The following PDGFRL variants were observed in gnomAD, a reference collection of about 807,000 sequenced individuals.
PDGFRL encodes the protein platelet derived growth factor receptor like.
A neutral mutation model predicts 37.2 loss-of-function variants in PDGFRL; 46 were observed. That is an observed-to-expected ratio of 1.24 (90% CI 0.98 to 1.58). The LOEUF (loss-of-function observed/expected upper bound fraction) is 1.58, where lower values mean the gene tolerates loss of function less well. PDGFRL is among the 40% of genes most tolerant of loss of function. The probability of loss-of-function intolerance (pLI) is 0.00; values close to 1 mark genes in which losing one functional copy is unlikely to be tolerated. For missense variants in PDGFRL, 692 were observed against 467.6 expected (o/e 1.48, Z -4.43); for synonymous variants, 251 against 184.3 (o/e 1.36, Z -2.93).
chr8:17,617,859 G>A (rs991578405), intron 2 of PDGFRL, among the ~76,000 whole-genome samples: 5 of 152,076 alleles, frequency 3.3e-5, no homozygotes, highest in African/African-American at 1.2e-4. Flanking sequence ...CAAATGCTCG[G>A]CCCAGAGAAG....
At chr8:17,628,856 G>A in intron 4 of PDGFRL, 76 bp downstream of exon 4, 1 of 958,800 alleles carries the variant, frequency 1.0e-6, no homozygotes. Flanking sequence ...CCTGCCTGCA[G>A]ATGGAATAAG....
At position 17,608,020 on chromosome 8, in the gene PDGFRL, G is replaced by C. The variant is rs2517195; in HGVS notation, c.354-13031G>C. ...TGGGCAGCTGCTAAGTTGCTGCCCT[G>C]GGGAGTCCGCCCAGAACCTTCTCTT... On this transcript the variant is annotated intron_variant, in intron 2 of 5. Coordinates refer to ENST00000251630, the MANE Select transcript of PDGFRL (RefSeq NM_001372073.1). Among the ~76,000 whole-genome samples, 248 of 152,300 alleles carry C rather than the reference G, an allele frequency of 1.6e-3. 1 individual carries two copies. The highest frequency in any genetic ancestry group is 5.7e-3 in the African/African-American group (235 of 41,570).
intron 1 of PDGFRL, among the ~76,000 whole-genome samples, chr8:17,578,181 T>G (rs561394880): frequency 1.3e-5 from 2 of 152,270 alleles, no homozygotes; most frequent in South Asian, 4.1e-4. Flanking sequence ...TGCCTCCTGG[T>G]GTCCTCAACC....
intron 2 of PDGFRL, among the ~76,000 whole-genome samples, chr8:17,599,650 T>A (rs1399509459): frequency 1.3e-5 from 2 of 152,198 alleles, no homozygotes; most frequent in African/African-American, 2.4e-5. Flanking sequence ...CCACCTCACG[T>A]TTGCTTGGCA....
intron 5 of PDGFRL, among the ~76,000 whole-genome samples, chr8:17,637,440 T>A (rs766531728): frequency 6.6e-6 from 1 of 152,154 alleles, no homozygotes; most frequent in African/African-American, 2.4e-5. Context: ...TGGTGGACTA[T>A]CTATTTGATA....
At chr8:17,603,903 A>G (rs1484187119) in intron 2 of PDGFRL, among the ~76,000 whole-genome samples, 1 of 152,142 alleles carries the variant, frequency 6.6e-6, no homozygotes, top group Admixed American at 6.5e-5. Flanking sequence ...AAATTCCAGA[A>G]AGAGAGAAGT....
chr8:17,596,387 C>G, intron 2 of PDGFRL: 1 of 1,074,528 alleles, frequency 9.3e-7, no homozygotes, highest in African/African-American at 1.6e-5. Flanking sequence ...TCCAATACCA[C>G]GTACATTTTA....
At chr8:17,620,400 G>C (rs2129761927) in intron 2 of PDGFRL, among the ~76,000 whole-genome samples, 1 of 152,214 alleles carries the variant, frequency 6.6e-6, no homozygotes, top group South Asian at 2.1e-4. Flanking sequence ...TTTTAGGGTG[G>C]TTTTAGGTTG....
chr8:17,606,549 T>C (rs1371457472), intron 2 of PDGFRL, among the ~76,000 whole-genome samples: 1 of 152,178 alleles, frequency 6.6e-6, no homozygotes, highest in African/African-American at 2.4e-5. Context: ...TAGAGCGTTC[T>C]CTTTCCAGAC....
chr8:17,639,439 C>T (rs1805046768), intron 5 of PDGFRL, among the ~76,000 whole-genome samples: 1 of 152,048 alleles, frequency 6.6e-6, no homozygotes, highest in Non-Finnish European at 1.5e-5. Context: ...ATATTTAGTG[C>T]TCCTTTTAGC....
At chr8:17,627,985 CTTTCTTTT>C (rs1365801977) in intron 3 of PDGFRL, among the ~76,000 whole-genome samples, 9 of 124,048 alleles carry the variant, frequency 7.3e-5, no homozygotes, top group Admixed American at 2.5e-4. Flanking sequence ...TGTTTTCTTT[CTTTCTTTT>C]TTTTTTTTTT....
chr8:17,627,436 C>T (rs1192873499), intron 3 of PDGFRL, among the ~76,000 whole-genome samples: 1 of 151,208 alleles, frequency 6.6e-6, no homozygotes, highest in East Asian at 2.0e-4. Flanking sequence ...TGAGCTTTAA[C>T]ACATTTTTTT....
intron 2 of PDGFRL, among the ~76,000 whole-genome samples, chr8:17,608,997 TCAC>T (rs1804346551): frequency 2.0e-5 from 3 of 152,076 alleles, no homozygotes; most frequent in African/African-American, 7.2e-5. Context: ...GGCAGGAGGA[TCAC>T]TTGAGCCCGG....
chr8:17,590,938 A>C (rs1458693949), intron 2 of PDGFRL, among the ~76,000 whole-genome samples: 1 of 146,724 alleles, frequency 6.8e-6, no homozygotes, highest in African/African-American at 2.5e-5. Context: ...GTTGGAGTGC[A>C]GTGGTGCCAT....
intron 2 of PDGFRL, among the ~76,000 whole-genome samples, chr8:17,620,071 T>A (rs995353995): frequency 3.9e-5 from 6 of 152,180 alleles, no homozygotes; most frequent in African/African-American, 1.4e-4. Context: ...CAAGCCATCT[T>A]CCTGCCTTAG....
intron 2 of PDGFRL, among the ~76,000 whole-genome samples, chr8:17,607,409 A>C (rs1388365988): frequency 6.6e-6 from 1 of 152,238 alleles, no homozygotes; most frequent in Non-Finnish European, 1.5e-5. Flanking sequence ...TGTATTTAAA[A>C]AAACAACAAA....
rs918578327 is a variant in PDGFRL at position 17,617,341 on chromosome 8, C to T, written c.354-3710C>T. Among the ~76,000 whole-genome samples the T allele has an allele frequency of 3.3e-5, 5 of 152,232 alleles. No homozygotes were observed. The South Asian group carries it at 1.0e-3, about 32-fold the overall frequency. On this transcript the variant is annotated intron_variant, in intron 2 of 5. Transcript: ENST00000251630. ...TTTTTCCTGGCATTTGGTCATGACA[C>T]CTTCTTTTTGCTCCACTTAAACTCC... is the stretch of plus-strand genomic sequence containing the variant.
rs137853148 is a variant in PDGFRL, at chr8:17,589,479, C to T, written c.67C>T (p.His23Tyr). The stretch of plus-strand genomic sequence containing the variant: ...CTTACGTTTTGCAGTTACTGGCCAA[C>T]ACCTTCCCAAGAACAAGCGTCCAAA... ...HEALEDVTGQ[H>Y]LPKNKRPKEP... The change falls in exon 2 of 6, where the codon CAC (histidine) becomes TAC (tyrosine). Residue 23 changes from histidine (H) to tyrosine (Y), a missense_variant. His to Tyr is a moderately conservative substitution (Grantham distance 83). Coordinates refer to ENST00000251630, the MANE Select transcript of PDGFRL (RefSeq NM_001372073.1). 4.3e-6 allele frequency: 7 copies of T among 1,612,600 alleles called. No individual in the cohort carries two copies. The East Asian group carries it at 1.3e-4, about 31-fold the overall frequency.
Position 17,599,636 on chromosome 8 carries a change from G to A in PDGFRL, c.353+9871G>A, listed in dbSNP as rs187392656. ...CACGTGGCCGTGGCTGCCAGTAGATGTGGCCACCTCACGTTTGCTTGGCAA... is the reference window on the plus strand; with the variant it reads ...CACGTGGCCGTGGCTGCCAGTAGATATGGCCACCTCACGTTTGCTTGGCAA... On this transcript the variant is annotated intron_variant, in intron 2 of 5. Transcript: ENST00000251630. Among the ~76,000 whole-genome samples the A allele has an allele frequency of 2.4e-4, 36 of 152,308 alleles. No individual in the cohort carries two copies. In the East Asian group the frequency reaches 6.2e-3, roughly 26 times the overall value.
Sources: gnomAD v4.1 joint callset for allele counts (sites outside exome capture counted in the v4.1 genomes callset) on GRCh38, gnomAD v4.1.1 for gene constraint, MANE v1.5 for transcripts, NCBI Gene and HGNC (gene_info 2026-07-23, HGNC 2026-07-21) for gene names.